The following LONP2 variants were observed in gnomAD, a reference collection of about 807,000 sequenced individuals.
LONP2 encodes the protein lon peptidase 2, peroxisomal.
Under a neutral mutation model 85.6 loss-of-function variants are expected in LONP2, and 60 were observed. That is an observed-to-expected ratio of 0.70 (90% confidence interval 0.57 to 0.87). The LOEUF (loss-of-function observed/expected upper bound fraction) is 0.87. LONP2 is among the 40% of genes least tolerant of loss of function. LONP2 has a pLI of 0.00. For missense variants in LONP2, 860 were observed against 1,063.5 expected (o/e 0.81, Z 2.66); for synonymous variants, 395 against 389.7 (o/e 1.01, Z -0.16).
intron 7 of LONP2, 95 bp downstream of exon 7, chr16:48,270,369 C>T: frequency 5.3e-6 from 7 of 1,318,788 alleles, no homozygotes; most frequent in Non-Finnish European, 6.4e-6. Context: ...ATCTATTTTC[C>T]TTAAAGGGCT....
At chr16:48,303,347 G>C in intron 11 of LONP2, 42 bp downstream of exon 11, 2 of 1,599,830 alleles carry the variant, frequency 1.3e-6, no homozygotes, top group Non-Finnish European at 1.7e-6. Flanking sequence ...TGGTGGCTAG[G>C]AGTGAGTGAC....
chr16:48,285,664 A>C (rs985510858), intron 8 of LONP2, among the ~76,000 whole-genome samples: 6 of 152,068 alleles, frequency 3.9e-5, no homozygotes, highest in Non-Finnish European at 5.9e-5. Context: ...TGTAGTTTTC[A>C]ACTCCAAAAT....
At chr16:48,271,514 C>G (rs996784321) in intron 7 of LONP2, among the ~76,000 whole-genome samples, 6 of 152,158 alleles carry the variant, frequency 3.9e-5, no homozygotes. Flanking sequence ...GAAACTGTTT[C>G]AGAAACTTTT....
intron 4 of LONP2, among the ~76,000 whole-genome samples, chr16:48,260,751 T>C (rs1971858405): frequency 6.6e-6 from 1 of 152,256 alleles, no homozygotes; most frequent in African/African-American, 2.4e-5. Flanking sequence ...CATTTGACTT[T>C]GCACAGAATA....
At chr16:48,316,400 A>G (rs1973145938) in intron 11 of LONP2, among the ~76,000 whole-genome samples, 1 of 133,158 alleles carries the variant, frequency 7.5e-6, no homozygotes, top group Non-Finnish European at 1.5e-5. Flanking sequence ...GACCTTGGCT[A>G]ACTGCAACCT....
rs1381421462 is a variant in LONP2 at position 48,277,483 on chromosome 16, A to G, written c.1383+4A>G. 6.2e-7 allele frequency: 1 copy of G among 1,612,450 alleles called. No homozygotes were observed. The highest frequency in any genetic ancestry group is 1.1e-5 in the South Asian group (1 of 90,870). ...TCCAGCAGCAGCTCTGCTTGAGGTA[A>G]GATTTGGAAAATTCCCTGTCTGTCT... On this transcript the variant is annotated splice_donor_region_variant and intron_variant, in intron 8 of 14. Transcript: ENST00000285737.
At chr16:48,344,119 A>C (rs1171237229) in intron 12 of LONP2, 1 of 152,264 alleles carries the variant, frequency 6.6e-6, no homozygotes, top group African/African-American at 2.4e-5. Context: ...AAAGGGGTTA[A>C]GATGGCTGGA....
chr16:48,299,607 A>G lies in LONP2; in HGVS notation c.1535-55A>G, dbSNP rs545009303. 5 of 1,564,780 alleles carry G rather than the reference A, an allele frequency of 3.2e-6. No homozygotes were observed. In the South Asian group the frequency reaches 3.6e-5, roughly 11 times the overall value. On this transcript the variant is annotated intron_variant, in intron 9 of 14. Transcript: ENST00000285737. ...TAAAAAAAAAAACAAAAAACAAAGC[A>G]TGGCATTATGGGAGCCATGTAAATA...
Position 48,334,314 on chromosome 16 carries a change from C to T in LONP2, c.1894C>T (p.His632Tyr), listed in dbSNP as rs1303441885. 6.2e-7 allele frequency: 1 copy of T among 1,614,144 alleles called. No homozygotes were observed. Among genetic ancestry groups the T allele is most frequent in the East Asian group, 2.2e-5 (1 of 44,880 alleles). The change falls in exon 12 of 15, where the codon CAT becomes TAT. Residue 632 changes from histidine (H) to tyrosine (Y), a missense_variant. Around this residue, in one of 3 missense-constraint regions of LONP2, gnomAD observed 743 missense variants for 917.3 expected, o/e 0.81. Coordinates refer to ENST00000285737, the MANE Select transcript of LONP2 (RefSeq NM_031490.5). ...TGAAATGCCGATTTTGATTGATTTC[C>T]ATGCTCTGAAAGACATCCTTGGGCC... ...PPEMPILIDF[H>Y]ALKDILGPPM... is the part of the protein sequence containing the mutation.
At chr16:48,299,594 C>CA in intron 9 of LONP2, 68 bp from the exon 10 acceptor site, 1 of 1,470,066 alleles carries the variant, frequency 6.8e-7, no homozygotes, top group South Asian at 1.3e-5. Context: ...AAAAAAAAAA[C>CA]AAAAAACAAA....
Position 48,270,133 on chromosome 16 carries a change from A to C in LONP2, c.1100A>C (p.Lys367Thr). 1 of 1,614,090 alleles carries C rather than the reference A, an allele frequency of 6.2e-7. No homozygotes were observed. The highest frequency in any genetic ancestry group is 8.5e-7 in the Non-Finnish European group (1 of 1,179,980). The change falls in exon 7 of 15, where the codon AAG (lysine) becomes ACG (threonine). Residue 367 changes from lysine (K) to threonine (T), a missense_variant. Coordinates refer to ENST00000285737, the MANE Select transcript of LONP2 (RefSeq NM_031490.5). The stretch of plus-strand genomic sequence containing the variant: ...GTCAGACAGCTCAAAAATAACCTGA[A>C]GGGCCCAATCCTATGCTTTGTTGGC... ...LAVRQLKNNL[K>T]GPILCFVGPP...
Position 48,346,968 on chromosome 16 carries a change from T to C in LONP2, c.1939-539T>C, listed in dbSNP as rs138642550. ...GAGTTTGAGACCAGTCTGGCCAACA[T>C]GGTGAGACCACATCTCTACAAAAAA... On this transcript the variant is annotated intron_variant, in intron 12 of 14. Transcript: ENST00000285737. 8.6e-3 allele frequency among the ~76,000 whole-genome samples: 1,303 copies of C among 152,008 alleles called. 24 individuals are homozygous for C. The highest frequency in any genetic ancestry group is 0.03 in the African/African-American group (1,242 of 41,488).
chr16:48,328,302 T>C (rs1033412845), intron 11 of LONP2, among the ~76,000 whole-genome samples: 2 of 151,728 alleles, frequency 1.3e-5, no homozygotes, highest in Non-Finnish European at 2.9e-5. Context: ...TCCCAGCACT[T>C]TGAGAGGCTG....
In LONP2 at chr16:48,355,275, G is replaced by C. The variant is rs575114214; in HGVS notation, c.*3473G>C. On this transcript the variant is annotated 3_prime_UTR_variant, in exon 15 of 15. Coordinates refer to ENST00000285737, the MANE Select transcript of LONP2 (RefSeq NM_031490.5). ...AGGCTTTAGGAGGTGATTATGTCATGAGAGCTCCATCCTCATTAATGGATT... is the reference window on the plus strand; with the variant it reads ...AGGCTTTAGGAGGTGATTATGTCATCAGAGCTCCATCCTCATTAATGGATT... The C allele has an allele frequency of 1.3e-5, 2 of 152,100 alleles. No individual in the cohort carries two copies. The highest frequency in any genetic ancestry group is 4.8e-5 in the African/African-American group (2 of 41,408). The allele number at this position is 152,100 out of a possible 1,614,324, so 9.4% of individuals were successfully genotyped here. A position where few individuals can be genotyped will look rare whatever the true frequency, so the allele number is the denominator to read the frequency against.
At chr16:48,357,365 T>C (rs931941048), downstream of LONP2, 1 of 152,212 alleles carries the variant, frequency 6.6e-6, no homozygotes, top group South Asian at 2.1e-4. Flanking sequence ...CAGGTTAGGA[T>C]CATAAGCAGT....
intron 8 of LONP2, among the ~76,000 whole-genome samples, chr16:48,289,474 C>T (rs1972516294): frequency 1.3e-5 from 2 of 152,144 alleles, no homozygotes; most frequent in South Asian, 4.1e-4. Context: ...AGGTTTACCT[C>T]AGTGAGCAGA....
chr16:48,336,332 G>T (rs1461413790), intron 12 of LONP2: 1 of 456,134 alleles, frequency 2.2e-6, no homozygotes, highest in Non-Finnish European at 4.4e-6. Flanking sequence ...CTTTAACATA[G>T]TAACACTTTT....
chr16:48,297,264 T>C (rs1972693252), intron 9 of LONP2, among the ~76,000 whole-genome samples: 1 of 152,144 alleles, frequency 6.6e-6, no homozygotes, highest in African/African-American at 2.4e-5. Context: ...TCCAAAAGTA[T>C]AAGGATTACA....
At chr16:48,309,264 C>T (rs1350112656) in intron 11 of LONP2, among the ~76,000 whole-genome samples, 1 of 152,044 alleles carries the variant, frequency 6.6e-6, no homozygotes, top group African/African-American at 2.4e-5. Context: ...AAAATAGAAC[C>T]GTCATTTGAT....
Sources: gnomAD v4.1 joint callset for allele counts (sites outside exome capture counted in the v4.1 genomes callset) on GRCh38, gnomAD v4.1.1 for gene constraint, gnomAD v4.1.1 regional missense constraint, MANE v1.5 for transcripts, NCBI Gene and HGNC (gene_info 2026-07-23, HGNC 2026-07-21) for gene names.